PRAC2: variants seen among roughly 807,000 people sequenced by gnomAD.
PRAC2 encodes protein PRAC2.
For missense variants in PRAC2, 92 were observed against 114.5 expected (o/e 0.80, Z 0.90); for synonymous variants, 43 against 49.5 (o/e 0.87, Z 0.55).
At chr17:48,721,847 G>A, upstream of PRAC2, 1 of 1,543,756 alleles carries the variant, frequency 6.5e-7, no homozygotes, top group Non-Finnish European at 8.8e-7. Flanking sequence ...AGAATTACAG[G>A]CTGAGCCATC....
intron 1 of PRAC2, 52 bp from the exon 2 acceptor site, chr17:48,724,276 A>T (rs2038178938): frequency 9.9e-7 from 1 of 1,014,428 alleles, no homozygotes. Flanking sequence ...TTGGGAAGGG[A>T]TTCCCAATGA....
chr17:48,723,372 C>T (rs185448143), intron 1 of PRAC2, 59 bp downstream of exon 1: 2 of 263,932 alleles, frequency 7.6e-6, no homozygotes, highest in East Asian at 1.4e-4. Flanking sequence ...TTAGACAGGA[C>T]GGGTTGGGGC....
chr17:48,722,605 T>C, upstream of PRAC2: 1 of 555,886 alleles, frequency 1.8e-6, no homozygotes, highest in Non-Finnish European at 3.2e-6. Context: ...GCTCCCCACC[T>C]CATAGCTGCA....
chr17:48,720,590 T>A (rs949670288), upstream of PRAC2, among the ~76,000 whole-genome samples: 1 of 152,186 alleles, frequency 6.6e-6, no homozygotes, highest in Non-Finnish European at 1.5e-5. Flanking sequence ...GACCCAAGAT[T>A]TACCAGCATA....
At chr17:48,722,494 C>T, upstream of PRAC2, 3 of 973,512 alleles carry the variant, frequency 3.1e-6, no homozygotes, top group South Asian at 4.0e-5. Flanking sequence ...GCTCTGTTTG[C>T]ACGCCTTAGG....
upstream of PRAC2, among the ~76,000 whole-genome samples, chr17:48,718,878 G>T (rs914314597): frequency 6.6e-6 from 1 of 152,202 alleles, no homozygotes; most frequent in African/African-American, 2.4e-5. Flanking sequence ...ACTCCCGCAG[G>T]CCTCTTCCGA....
Position 48,724,648 on chromosome 17 carries a change from A to G in PRAC2, c.238A>G (p.Met80Val), listed in dbSNP as rs1056191395. ...GRWKPVAPRT[M>V]KACPQVLLEW is the part of the protein sequence containing the mutation. The stretch of plus-strand genomic sequence containing the variant: ...CTGGAAGCCTGTAGCTCCGCGGACG[A>G]TGAAAGCCTGCCCGCAGGTTCTCCT... Residue 80 changes from methionine to valine, a missense_variant, in exon 2 of 2, where the codon ATG becomes GTG. Physicochemically the swap from Met to Val is conservative, Grantham distance 21. Transcript: ENST00000422730. The G allele has an allele frequency of 5.7e-6, 7 of 1,232,032 alleles. No homozygotes were observed. The highest frequency in any genetic ancestry group is 7.1e-6 in the Non-Finnish European group (7 of 987,984). 76.3% of individuals were successfully genotyped at this position (1,232,032 alleles called of 1,614,324 possible). A position where few individuals can be genotyped will look rare whatever the true frequency, so the allele number is the denominator to read the frequency against.
At chr17:48,721,434 T>C (rs1182363081), upstream of PRAC2, among the ~76,000 whole-genome samples, 4 of 152,222 alleles carry the variant, frequency 2.6e-5, no homozygotes, top group Non-Finnish European at 4.4e-5. Context: ...CGAGCAATTC[T>C]TGTGCTTCAG....
chr17:48,719,784 G>C (rs1277627775), upstream of PRAC2, among the ~76,000 whole-genome samples: 2 of 152,194 alleles, frequency 1.3e-5, no homozygotes, highest in Non-Finnish European at 2.9e-5. Flanking sequence ...CCGGCTTTTA[G>C]CTGCAGGCCC....
At chr17:48,720,154 T>G (rs2038131423), upstream of PRAC2, among the ~76,000 whole-genome samples, 1 of 152,184 alleles carries the variant, frequency 6.6e-6, no homozygotes, top group African/African-American at 2.4e-5. Flanking sequence ...GCCTGGGGTC[T>G]GCGGAGTTTG....
chr17:48,724,608 C>G lies in PRAC2; in HGVS notation c.198C>G (p.His66Gln), dbSNP rs1597930500. 1 of 1,232,176 alleles carries G rather than the reference C, an allele frequency of 8.1e-7. No homozygotes were observed. 76.3% of individuals were successfully genotyped at this position (1,232,176 alleles called of 1,614,324 possible). Residue 66 changes from histidine to glutamine, a missense_variant, in exon 2 of 2, where the codon CAC becomes CAG. Coordinates refer to ENST00000422730, the MANE Select transcript of PRAC2 (RefSeq NM_001282275.2). Reference sequence around the variant, plus strand: ...ACCCCCACACGCAGCTCAGTACCCACGAGGCCCCAGGCCGCTGGAAGCCTG... The same window carrying G: ...ACCCCCACACGCAGCTCAGTACCCAGGAGGCCCCAGGCCGCTGGAAGCCTG... ...VLDPHTQLST[H>Q]EAPGRWKPVA... is the part of the protein sequence containing the mutation.
upstream of PRAC2, chr17:48,722,654 T>G: frequency 2.1e-6 from 1 of 473,400 alleles, no homozygotes; most frequent in South Asian, 2.5e-5. Context: ...CCCAGCAGCC[T>G]CCTCGCCTCC....
At chr17:48,721,901 T>C, upstream of PRAC2, 1 of 1,509,866 alleles carries the variant, frequency 6.6e-7, no homozygotes, top group Non-Finnish European at 8.9e-7. Context: ...AGATGTTTTC[T>C]AAAATATTTT....
rs3110599 is a variant in PRAC2, at chr17:48,724,362, T to C, written c.-49T>C. On this transcript the variant is annotated 5_prime_UTR_variant, in exon 2 of 2. Coordinates refer to ENST00000422730, the MANE Select transcript of PRAC2 (RefSeq NM_001282275.2). Reference sequence around the variant, plus strand: ...AAGTAAATCCGAAAAAAAGTGTGTGTGGGGGGGTCCACACCACTAATTATT... The same window carrying C: ...AAGTAAATCCGAAAAAAAGTGTGTGCGGGGGGGTCCACACCACTAATTATT... The C allele has an allele frequency of 8.1e-7, 1 of 1,232,188 alleles. No homozygotes were observed. The highest frequency in any genetic ancestry group is 1.0e-6 in the Non-Finnish European group (1 of 986,980). The allele number at this position is 1,232,188 out of a possible 1,614,324, so 76.3% of individuals were successfully genotyped here. A position where few individuals can be genotyped will look rare whatever the true frequency, so the allele number is the denominator to read the frequency against.
chr17:48,723,777 T>C (rs2038172698), intron 1 of PRAC2: 1 of 1,231,328 alleles, frequency 8.1e-7, no homozygotes, highest in East Asian at 3.2e-5. Flanking sequence ...CGGAGGTAGT[T>C]TCTACGCATT....
chr17:48,723,489 G>A (rs909364702), intron 1 of PRAC2, among the ~76,000 whole-genome samples, 176 bp downstream of exon 1: 56 of 152,282 alleles, frequency 3.7e-4, no homozygotes, highest in African/African-American at 1.3e-3. Context: ...GGGAAGAGAA[G>A]TTTGCTCTAG....
intron 1 of PRAC2, chr17:48,723,739 G>T (rs1597929670): frequency 1.6e-6 from 2 of 1,231,778 alleles, no homozygotes; most frequent in East Asian, 6.3e-5. Flanking sequence ...CGTTGCGGGT[G>T]CTGGAACCGA....
chr17:48,724,567 C>A lies in PRAC2; in HGVS notation c.157C>A (p.Arg53=), dbSNP rs951179846. 2 of 1,232,140 alleles carry A rather than the reference C, an allele frequency of 1.6e-6. No individual in the cohort carries two copies. Among genetic ancestry groups the A allele is most frequent in the Non-Finnish European group, 2.0e-6 (2 of 987,950 alleles). 76.3% of individuals were successfully genotyped at this position (1,232,140 alleles called of 1,614,324 possible). A position where few individuals can be genotyped will look rare whatever the true frequency, so the allele number is the denominator to read the frequency against. ...GCCGATGCCCTGGCCGAATGGCAGG[C>A]GACATCGGGTCCTGGACCCCCACAC... is the stretch of plus-strand genomic sequence containing the variant. The part of the protein sequence containing the change: ...HLPMPWPNGR[R]HRVLDPHTQL... Residue 53 remains arginine, a synonymous_variant, in exon 2 of 2, where the codon CGA becomes AGA. Transcript: ENST00000422730.
intron 1 of PRAC2, 135 bp from the exon 2 acceptor site, chr17:48,724,193 T>C (rs1021980264): frequency 4.6e-6 from 2 of 435,834 alleles, no homozygotes; most frequent in Non-Finnish European, 3.8e-6. Flanking sequence ...GGTTTGTAGA[T>C]TTTGTTGTGA....
Sources: gnomAD v4.1 joint callset for allele counts (sites outside exome capture counted in the v4.1 genomes callset) on GRCh38, gnomAD v4.1.1 for gene constraint, MANE v1.5 for transcripts, NCBI Gene and HGNC (gene_info 2026-07-23, HGNC 2026-07-21) for gene names.